LAP3: variants seen among roughly 807,000 people sequenced by gnomAD.
LAP3 encodes cytosol aminopeptidase.
LAP3 carries 46 observed loss-of-function variants against 58.8 expected under a neutral mutation model. The observed-to-expected ratio is 0.78, with a 90% CI of 0.62 to 1.00. The LOEUF is 1.00. LAP3 is among the 50% of genes least tolerant of loss of function. The pLI is 0.00. For missense variants in LAP3, 615 were observed against 659.1 expected (o/e 0.93, Z 0.73); for synonymous variants, 257 against 237.7 (o/e 1.08, Z -0.75).
chr4:17,599,225 C>T (rs567592101), intron 10 of LAP3, among the ~76,000 whole-genome samples: 30 of 152,250 alleles, frequency 2.0e-4, no homozygotes, highest in Middle Eastern at 3.4e-3. Flanking sequence ...CAGATCAGCT[C>T]ATCTAGAGTG....
intron 11 of LAP3, among the ~76,000 whole-genome samples, chr4:17,606,284 T>C (rs1261331431): frequency 6.6e-6 from 1 of 152,228 alleles, no homozygotes; most frequent in Non-Finnish European, 1.5e-5. Context: ...TTTAGCAAAA[T>C]GCCCTACAGA....
At chr4:17,588,724 A>G in intron 6 of LAP3, 95 bp from the exon 7 acceptor site, 2 of 1,181,162 alleles carry the variant, frequency 1.7e-6, no homozygotes, top group Non-Finnish European at 2.4e-6. Context: ...AAGAGTTTGT[A>G]TATTATACTT....
intron 6 of LAP3, among the ~76,000 whole-genome samples, chr4:17,586,908 C>A (rs1022883423): frequency 6.6e-6 from 1 of 152,166 alleles, no homozygotes; most frequent in Non-Finnish European, 1.5e-5. Context: ...GAATTCAAGA[C>A]CAGCCTGGCC....
chr4:17,601,604 G>A (rs1713983014), intron 10 of LAP3, among the ~76,000 whole-genome samples: 1 of 151,984 alleles, frequency 6.6e-6, no homozygotes, highest in African/African-American at 2.4e-5. Flanking sequence ...TAGGTTCTAG[G>A]ATCCCCCCTC....
chr4:17,580,894 T>C (rs555615805), intron 2 of LAP3, among the ~76,000 whole-genome samples: 2 of 152,336 alleles, frequency 1.3e-5, no homozygotes, highest in Admixed American at 6.5e-5. Context: ...AGATAGCCTA[T>C]TGGAACCTAA....
At chr4:17,586,609 G>A (rs1383909844) in intron 6 of LAP3, among the ~76,000 whole-genome samples, 6 of 152,120 alleles carry the variant, frequency 3.9e-5, no homozygotes, top group Non-Finnish European at 8.8e-5. Flanking sequence ...GGAATAGGGA[G>A]GTAAATGGCA....
intron 1 of LAP3, among the ~76,000 whole-genome samples, chr4:17,577,855 C>G (rs1439367382): frequency 3.9e-5 from 6 of 152,222 alleles, no homozygotes; most frequent in African/African-American, 1.4e-4. Context: ...ACCCGCGGTC[C>G]TGGCAGTAAC....
At chr4:17,605,864 G>A (rs753328978) in intron 11 of LAP3, among the ~76,000 whole-genome samples, 4 of 152,172 alleles carry the variant, frequency 2.6e-5, no homozygotes, top group Non-Finnish European at 5.9e-5. Context: ...GCAGCCCACA[G>A]TCTGTTTTCC....
At chr4:17,599,619 T>G (rs978391876) in intron 10 of LAP3, among the ~76,000 whole-genome samples, 1 of 152,184 alleles carries the variant, frequency 6.6e-6, no homozygotes. Flanking sequence ...AAAAGATTAG[T>G]GATAAATCCC....
Position 17,607,597 on chromosome 4 carries a change from A to T in LAP3, c.*8A>T, listed in dbSNP as rs1180252067. The T allele has an allele frequency of 6.3e-7, 1 of 1,596,344 alleles. No individual in the cohort carries two copies. The highest frequency in any genetic ancestry group is 8.5e-7 in the Non-Finnish European group (1 of 1,172,252). On this transcript the variant is annotated 3_prime_UTR_variant, in exon 13 of 13. Coordinates refer to ENST00000226299, the MANE Select transcript of LAP3 (RefSeq NM_015907.3). ...AGTCAAGACAATGCTTAGTTCAGAT[A>T]CTCAAAAATGTCTTCACTCTGTCTT...
intron 11 of LAP3, among the ~76,000 whole-genome samples, chr4:17,605,843 A>T (rs1714113536): frequency 6.6e-6 from 1 of 152,208 alleles, no homozygotes; most frequent in South Asian, 2.1e-4. Context: ...ATGTGCATAA[A>T]TCAACAATCA....
intron 1 of LAP3, among the ~76,000 whole-genome samples, chr4:17,578,363 C>T (rs1018564848): frequency 6.6e-6 from 1 of 152,190 alleles, no homozygotes; most frequent in Non-Finnish European, 1.5e-5. Context: ...CAGTTGGCTC[C>T]ATTGATTCCC....
chr4:17,577,497 G>A lies in LAP3; in HGVS notation c.32G>A (p.Arg11Gln). MFLLPLPAAG[R>Q]VVVRRLAVRR... ...TTGCTGCCTCTTCCGGCTGCGGGGC[G>A]AGTAGTCGTCCGACGTCTGGCCGTG... The change falls in exon 1 of 13, where the codon CGA (arginine) becomes CAA (glutamine). Residue 11 changes from arginine (R) to glutamine (Q), a missense_variant. Arg to Gln is a conservative substitution (Grantham distance 43). Coordinates refer to ENST00000226299, the MANE Select transcript of LAP3 (RefSeq NM_015907.3). The A allele has an allele frequency of 1.9e-6, 3 of 1,584,802 alleles. No individual in the cohort carries two copies. Among genetic ancestry groups the A allele is most frequent in the African/African-American group, 1.4e-5 (1 of 74,046 alleles).
chr4:17,600,132 T>A (rs1304346824), intron 10 of LAP3, among the ~76,000 whole-genome samples: 2 of 152,204 alleles, frequency 1.3e-5, no homozygotes, highest in African/African-American at 4.8e-5. Context: ...TACCCCTTTT[T>A]AAAAAAAATT....
intron 10 of LAP3, among the ~76,000 whole-genome samples, chr4:17,601,103 T>G (rs1282727959): frequency 2.7e-4 from 41 of 152,224 alleles, no homozygotes; most frequent in Admixed American, 2.7e-3. Flanking sequence ...TGCTTGGGCA[T>G]AATTTAGGAT....
At chr4:17,607,264 A>G (rs1714164672) in intron 12 of LAP3, 136 bp from the exon 13 acceptor site, 3 of 654,630 alleles carry the variant, frequency 4.6e-6, no homozygotes, top group East Asian at 5.5e-5. Flanking sequence ...TCTGAAACTG[A>G]TATGTGGGTT....
intron 12 of LAP3, 48 bp from the exon 13 acceptor site, chr4:17,607,350 CAG>C (rs767684576): frequency 6.6e-7 from 1 of 1,522,156 alleles, no homozygotes; most frequent in Admixed American, 2.0e-5. Flanking sequence ...TGTGGGATCT[CAG>C]TGCACATTTA....
Position 17,588,991 on chromosome 4 carries a change from T to A in LAP3, c.863+14T>A. On this transcript the variant is annotated intron_variant, in intron 7 of 12. Coordinates refer to ENST00000226299, the MANE Select transcript of LAP3 (RefSeq NM_015907.3). Reference sequence around the variant, plus strand: ...TACCTTTGACAGGTATTTTTTATGGTGTCCGTGCTTTGTATTTTGGTGAAT... The same window carrying A: ...TACCTTTGACAGGTATTTTTTATGGAGTCCGTGCTTTGTATTTTGGTGAAT... 6.2e-7 allele frequency: 1 copy of A among 1,607,276 alleles called. No homozygotes were observed. Among genetic ancestry groups the A allele is most frequent in the African/African-American group, 1.3e-5 (1 of 74,780 alleles).
intron 11 of LAP3, among the ~76,000 whole-genome samples, chr4:17,606,130 T>C (rs1714120205): frequency 1.3e-5 from 2 of 152,098 alleles, no homozygotes; most frequent in South Asian, 4.1e-4. Context: ...GGGTAAGTGA[T>C]GAATGAATGA....
Sources: gnomAD v4.1 joint callset for allele counts (sites outside exome capture counted in the v4.1 genomes callset) on GRCh38, gnomAD v4.1.1 for gene constraint, MANE v1.5 for transcripts, NCBI Gene and HGNC (gene_info 2026-07-23, HGNC 2026-07-21) for gene names.